KPNA4: variants seen among roughly 807,000 people sequenced by gnomAD.
KPNA4 encodes the protein karyopherin subunit alpha 4, also known as importin subunit alpha-3.
In KPNA4, 13 loss-of-function variants were observed where a neutral mutation model predicts 71.3. The observed-to-expected ratio is 0.18, with a 90% confidence interval of 0.12 to 0.29. The LOEUF (loss-of-function observed/expected upper bound fraction) is 0.29, where lower values mean the gene tolerates loss of function less well. Ranked by LOEUF, KPNA4 falls within the 10% of genes least tolerant of loss-of-function variation. The pLI, the probability that KPNA4 is intolerant of heterozygous loss-of-function variation, is 1.00. For missense variants in KPNA4, 334 were observed against 603.2 expected, an observed-to-expected ratio of 0.55 and a Z score of 4.67; for synonymous variants, 189 against 195.2, an observed-to-expected ratio of 0.97 and a Z score of 0.26.
intron 1 of KPNA4, among the ~76,000 whole-genome samples, chr3:160,552,128 T>G (rs1486248994): frequency 2.0e-5 from 3 of 152,096 alleles, no homozygotes; most frequent in African/African-American, 7.2e-5. Flanking sequence ...TCAAATTAAG[T>G]TCAAATATGT....
At position 160,501,066 on chromosome 3, in the gene KPNA4, A is replaced by T. The variant is rs1433495988; in HGVS notation, c.*1038T>A. ...GCACATTTTACTGTTTTATACTATT[A>T]TGGCAACTTGTGTACTGCAACACAG... On this transcript the variant is annotated 3_prime_UTR_variant, in exon 17 of 17. Coordinates refer to ENST00000334256, the MANE Select transcript of KPNA4 (RefSeq NM_002268.5). 1 of 152,490 alleles carries T rather than the reference A, an allele frequency of 6.6e-6. No individual in the cohort carries two copies. Among genetic ancestry groups the T allele is most frequent in the East Asian group, 1.9e-4 (1 of 5,192 alleles). 9.4% of individuals were successfully genotyped at this position (152,490 alleles called of 1,614,324 possible). A position where few individuals can be genotyped will look rare whatever the true frequency, so the allele number is the denominator to read the frequency against.
intron 1 of KPNA4, among the ~76,000 whole-genome samples, chr3:160,538,220 C>T (rs918748492): frequency 8.6e-5 from 13 of 150,868 alleles, no homozygotes; most frequent in African/African-American, 2.9e-4. Flanking sequence ...TATCTTGATA[C>T]ATAAATGTAA....
chr3:160,495,505 A>C lies in KPNA4; in HGVS notation c.*6599T>G, dbSNP rs151305573. 1.5e-3 allele frequency: 198 copies of C among 132,530 alleles called. 1 individual carries two copies. Among genetic ancestry groups the C allele is most frequent in the African/African-American group, 5.6e-3 (187 of 33,572 alleles). The allele number at this position is 132,530 out of a possible 1,614,324, so 8.2% of individuals were successfully genotyped here. A position where few individuals can be genotyped will look rare whatever the true frequency, so the allele number is the denominator to read the frequency against. On this transcript the variant is annotated 3_prime_UTR_variant, in exon 17 of 17. Transcript: ENST00000334256. ...GTAGGTAACTTAGCTATCCTAGATC[A>C]TCCTAAACTGGTTAAAAGGAAGATT...
In KPNA4 at chr3:160,565,570, C is replaced by G; in HGVS notation, c.-288G>C. On this transcript the variant is annotated 5_prime_UTR_variant, in exon 1 of 17. Coordinates refer to ENST00000334256, the MANE Select transcript of KPNA4 (RefSeq NM_002268.5). ...GCTGAGAGGGGGAGGCAGCCTCGAT[C>G]TGAGGGCCCCGGCGCTGCGGCCACG... 1.9e-6 allele frequency: 1 copy of G among 515,032 alleles called. No individual in the cohort carries two copies. The highest frequency in any genetic ancestry group is 3.4e-6 in the Non-Finnish European group (1 of 294,680). The allele number at this position is 515,032 out of a possible 1,614,324, so 31.9% of individuals were successfully genotyped here.
At chr3:160,506,925 T>C (rs1167842030) in intron 15 of KPNA4, among the ~76,000 whole-genome samples, 3 of 152,200 alleles carry the variant, frequency 2.0e-5, no homozygotes, top group Admixed American at 1.3e-4. Context: ...ACCATTCCCA[T>C]TTAGTTGAAG....
At position 160,565,022 on chromosome 3, in the gene KPNA4, C is replaced by G. The variant is rs1026247935; in HGVS notation, c.69+192G>C. 1.5e-4 allele frequency among the ~76,000 whole-genome samples: 22 copies of G among 150,970 alleles called. 1 individual carries two copies. Among genetic ancestry groups the G allele is most frequent in the African/African-American group, 5.1e-4 (21 of 41,388 alleles). On this transcript the variant is annotated intron_variant, in intron 1 of 16. Coordinates refer to ENST00000334256, the MANE Select transcript of KPNA4 (RefSeq NM_002268.5). ...GGCCGTACCCGGGCACCTCGCTCCC[C>G]GGCGGAGGCGGAGCAGGCCCGACAT...
intron 1 of KPNA4, among the ~76,000 whole-genome samples, chr3:160,537,318 C>A (rs1369114861): frequency 6.6e-6 from 1 of 151,244 alleles, no homozygotes; most frequent in Non-Finnish European, 1.5e-5. Flanking sequence ...ATGATTCTGA[C>A]ACGTCTATCT....
At chr3:160,549,098 C>A (rs541509522) in intron 1 of KPNA4, among the ~76,000 whole-genome samples, 29 of 152,268 alleles carry the variant, frequency 1.9e-4, no homozygotes, top group Admixed American at 7.2e-4. Flanking sequence ...AGAGAAATAT[C>A]TTTTCAAGCC....
chr3:160,518,920 G>A (rs943729456), intron 11 of KPNA4, among the ~76,000 whole-genome samples: 2 of 152,064 alleles, frequency 1.3e-5, no homozygotes, highest in East Asian at 1.9e-4. Context: ...TTCTGAACTC[G>A]ATTCTATCTC....
intron 12 of KPNA4, 114 bp downstream of exon 12, chr3:160,515,338 T>G (rs1721188536): frequency 4.0e-6 from 4 of 1,009,560 alleles, no homozygotes; most frequent in Non-Finnish European, 5.8e-6. Flanking sequence ...GATGTCTAAA[T>G]GACAGTTTGT....
At chr3:160,508,552 T>C (rs1721031412) in intron 14 of KPNA4, among the ~76,000 whole-genome samples, 1 of 152,188 alleles carries the variant, frequency 6.6e-6, no homozygotes, top group African/African-American at 2.4e-5. Context: ...TCAAAGATTT[T>C]TCCCTTTAAG....
At chr3:160,524,279 T>C (rs1479085440) in intron 10 of KPNA4, among the ~76,000 whole-genome samples, 1 of 152,214 alleles carries the variant, frequency 6.6e-6, no homozygotes, top group Non-Finnish European at 1.5e-5. Context: ...CCAAGATGTC[T>C]TGTTTTCTAG....
At chr3:160,556,839 AAC>A (rs1471990785) in intron 1 of KPNA4, among the ~76,000 whole-genome samples, 41 of 152,358 alleles carry the variant, frequency 2.7e-4, no homozygotes, top group African/African-American at 8.9e-4. Flanking sequence ...AGGTGTCTGA[AAC>A]AGCTGATCAA....
At chr3:160,537,764 C>A (rs932733879) in intron 1 of KPNA4, among the ~76,000 whole-genome samples, 3 of 151,614 alleles carry the variant, frequency 2.0e-5, no homozygotes, top group African/African-American at 7.3e-5. Context: ...AACCTTGGAG[C>A]CATCCTTGAT....
intron 5 of KPNA4, among the ~76,000 whole-genome samples, chr3:160,534,148 A>T (rs1721632309): frequency 6.6e-6 from 1 of 152,214 alleles, no homozygotes; most frequent in Admixed American, 6.5e-5. Context: ...ATAAATATAA[A>T]ACAGATTCGT....
Position 160,565,315 on chromosome 3 carries a change from C to G in KPNA4, c.-33G>C. On this transcript the variant is annotated 5_prime_UTR_variant, in exon 1 of 17. Coordinates refer to ENST00000334256, the MANE Select transcript of KPNA4 (RefSeq NM_002268.5). ...CCGGTGACTCCTTCCCCCGCCCGGG[C>G]CCCGCGGGATCCGCCCCAACCAACG... 2 of 1,549,810 alleles carry G rather than the reference C, an allele frequency of 1.3e-6. No homozygotes were observed. The highest frequency in any genetic ancestry group is 1.8e-6 in the Non-Finnish European group (2 of 1,141,474).
intron 1 of KPNA4, among the ~76,000 whole-genome samples, chr3:160,538,188 C>T (rs1037153060): frequency 1.3e-5 from 2 of 149,668 alleles, no homozygotes; most frequent in Non-Finnish European, 3.0e-5. Context: ...CATATATATA[C>T]ATATTTAGTT....
At position 160,530,134 on chromosome 3, in the gene KPNA4, C is replaced by CAAA. The variant is rs746257397; in HGVS notation, c.469+718_469+720dup. 7.8e-3 allele frequency among the ~76,000 whole-genome samples: 299 copies of CAAA among 38,320 alleles called. 5 individuals are homozygous for CAAA. The highest frequency in any genetic ancestry group is 0.015 in the African/African-American group (205 of 13,946). 25.1% of individuals were successfully genotyped at this position (38,320 alleles called of 152,430 possible). A position where few individuals can be genotyped will look rare whatever the true frequency, so the allele number is the denominator to read the frequency against. ...TGGGCGACAGAGTGAGACTCCATCTCAAAAAAAAAAAAAAAAAAAAAAAAA... is the reference window on the plus strand; with the variant it reads ...TGGGCGACAGAGTGAGACTCCATCTCAAAAAAAAAAAAAAAAAAAAAAAAAAAA... On this transcript the variant is annotated intron_variant, in intron 7 of 16. Coordinates refer to ENST00000334256, the MANE Select transcript of KPNA4 (RefSeq NM_002268.5).
chr3:160,531,407 C>T, intron 6 of KPNA4, 55 bp downstream of exon 6: 1 of 882,932 alleles, frequency 1.1e-6, no homozygotes, highest in Non-Finnish European at 1.7e-6. Flanking sequence ...AGAGTCTTGT[C>T]TTCTCCAAAG....
Sources: allele counts gnomAD v4.1 joint callset (sites outside exome capture counted in the v4.1 genomes callset), GRCh38; gene constraint gnomAD v4.1.1; transcripts MANE v1.5; gene names NCBI Gene and HGNC (gene_info 2026-07-23, HGNC 2026-07-21).